MGMT: variants seen among roughly 807,000 people sequenced by gnomAD.
MGMT encodes methylated-DNA--protein-cysteine methyltransferase.
Under a neutral mutation model 15.9 loss-of-function variants are expected in MGMT, and 14 were observed. The observed-to-expected ratio is 0.88, with a 90% confidence interval of 0.58 to 1.37. The LOEUF is 1.37. Among genes scored for constraint, MGMT ranks in the 40% most tolerant of loss-of-function variants. The probability of loss-of-function intolerance (pLI) is 0.00; values close to 1 mark genes in which losing one functional copy is unlikely to be tolerated. For missense variants in MGMT, 282 were observed against 268.1 expected, an observed-to-expected ratio of 1.05 and a Z score of -0.36; for synonymous variants, 130 against 118.2, an observed-to-expected ratio of 1.10 and a Z score of -0.65.
intron 2 of MGMT, among the ~76,000 whole-genome samples, chr10:129,676,933 T>C (rs1257782261): frequency 6.6e-6 from 1 of 152,214 alleles, no homozygotes; most frequent in Non-Finnish European, 1.5e-5. Context: ...GAGTTATTAA[T>C]TGGAGTCCTC....
At chr10:129,612,838 A>G (rs1371511833) in intron 2 of MGMT, among the ~76,000 whole-genome samples, 1 of 152,216 alleles carries the variant, frequency 6.6e-6, no homozygotes, top group Admixed American at 6.5e-5. Context: ...TTCTTTAAAC[A>G]GGCTCTGCCT....
intron 3 of MGMT, among the ~76,000 whole-genome samples, chr10:129,716,970 A>G (rs1212080886): frequency 6.6e-6 from 1 of 152,086 alleles, no homozygotes; most frequent in Non-Finnish European, 1.5e-5. Flanking sequence ...GCATTGACGC[A>G]TGCATAACTC....
In MGMT at chr10:129,631,446, A is replaced by T. The variant is rs1026323565; in HGVS notation, c.126-76449A>T. On this transcript the variant is annotated intron_variant, in intron 2 of 4. Transcript: ENST00000651593. ...AGGGTTGTTTACATTAATAACAATG[A>T]TGGCTTACATGTATGTATGGTTTTA... Among the ~76,000 whole-genome samples the T allele has an allele frequency of 2.3e-4, 35 of 152,248 alleles. 1 individual carries two copies. Among genetic ancestry groups the T allele is most frequent in the Non-Finnish European group, 8.8e-5 (6 of 68,042 alleles).
intron 2 of MGMT, among the ~76,000 whole-genome samples, chr10:129,619,825 C>CT (rs1435918364): frequency 1.3e-5 from 2 of 152,264 alleles, no homozygotes; most frequent in East Asian, 1.9e-4. Context: ...TTCCACTGCC[C>CT]TTTTTTCCAT....
chr10:129,761,618 G>A (rs1256133038), intron 4 of MGMT, among the ~76,000 whole-genome samples: 1 of 152,238 alleles, frequency 6.6e-6, no homozygotes, highest in Non-Finnish European at 1.5e-5. Context: ...TCACTGAAAT[G>A]TATAAAGTAG....
At chr10:129,663,181 A>G (rs148437833) in intron 2 of MGMT, among the ~76,000 whole-genome samples, 1,534 of 152,364 alleles carry the variant, frequency 0.01, 11 homozygotes, top group Non-Finnish European at 0.017. Context: ...GTTACAATCA[A>G]CATTCTCTGA....
At chr10:129,602,171 A>G (rs1846830908) in intron 2 of MGMT, among the ~76,000 whole-genome samples, 1 of 152,210 alleles carries the variant, frequency 6.6e-6, no homozygotes, top group Non-Finnish European at 1.5e-5. Context: ...CAAGTGTGAT[A>G]CAGAATCATA....
At chr10:129,734,796 T>G (rs1193973439) in intron 3 of MGMT, among the ~76,000 whole-genome samples, 1 of 152,194 alleles carries the variant, frequency 6.6e-6, no homozygotes, top group Admixed American at 6.5e-5. Context: ...GTCAAAGGCC[T>G]TTTCTGCATC....
intron 4 of MGMT, among the ~76,000 whole-genome samples, chr10:129,763,713 T>C (rs1201676476): frequency 6.6e-6 from 1 of 152,230 alleles, no homozygotes; most frequent in Non-Finnish European, 1.5e-5. Context: ...ACGTGAATTG[T>C]GTATTATCTA....
intron 2 of MGMT, among the ~76,000 whole-genome samples, chr10:129,607,535 A>G (rs1034219670): frequency 6.6e-6 from 1 of 152,180 alleles, no homozygotes; most frequent in Non-Finnish European, 1.5e-5. Context: ...ACTGTGCCGC[A>G]CAGCATGTCA....
chr10:129,488,632 A>G (rs187630706), intron 1 of MGMT, among the ~76,000 whole-genome samples: 2 of 152,164 alleles, frequency 1.3e-5, no homozygotes, highest in Admixed American at 6.5e-5. Context: ...GTCTCGTTTC[A>G]AAGTGCTTCC....
intron 2 of MGMT, among the ~76,000 whole-genome samples, chr10:129,654,713 C>T (rs546359469): frequency 4.6e-5 from 7 of 151,988 alleles, no homozygotes; most frequent in East Asian, 2.0e-4. Context: ...GGAAGGTGGC[C>T]GGGGTCTCGG....
intron 2 of MGMT, among the ~76,000 whole-genome samples, chr10:129,666,531 A>G (rs1211555994): frequency 1.3e-5 from 2 of 152,064 alleles, no homozygotes; most frequent in Non-Finnish European, 2.9e-5. Flanking sequence ...TTGTTTTATA[A>G]ATGAGCTCTT....
chr10:129,567,217 C>T (rs538463677), intron 2 of MGMT, among the ~76,000 whole-genome samples: 65 of 152,280 alleles, frequency 4.3e-4, no homozygotes, highest in South Asian at 1.5e-3. Context: ...GCCTGTGGCC[C>T]GTCCCCTCCA....
At chr10:129,501,238 C>T (rs1169603397) in intron 1 of MGMT, among the ~76,000 whole-genome samples, 1 of 152,218 alleles carries the variant, frequency 6.6e-6, no homozygotes, top group Non-Finnish European at 1.5e-5. Flanking sequence ...CCCCCTCTTC[C>T]CTCTCTGGGC....
intron 3 of MGMT, among the ~76,000 whole-genome samples, chr10:129,713,344 G>T (rs767120018): frequency 6.6e-6 from 1 of 152,084 alleles, no homozygotes; most frequent in Non-Finnish European, 1.5e-5. Context: ...AAAAACAGCT[G>T]GTAAAAATGT....
chr10:129,561,099 A>G (rs1238906726), intron 2 of MGMT, among the ~76,000 whole-genome samples: 3 of 151,766 alleles, frequency 2.0e-5, no homozygotes, highest in African/African-American at 7.3e-5. Flanking sequence ...GTGCCCTTTC[A>G]CCCTCTACCT....
At chr10:129,515,990 A>G (rs1845734324) in intron 1 of MGMT, among the ~76,000 whole-genome samples, 2 of 152,294 alleles carry the variant, frequency 1.3e-5, no homozygotes, top group African/African-American at 2.4e-5. Context: ...ATCTAAACGC[A>G]GTCTTTGAAC....
intron 2 of MGMT, among the ~76,000 whole-genome samples, chr10:129,590,842 C>T (rs969892184): frequency 3.3e-5 from 5 of 152,194 alleles, no homozygotes; most frequent in South Asian, 2.1e-4. Context: ...AGGAATATGT[C>T]GGTGCAGTGT....
Sources: gnomAD v4.1 joint callset for allele counts (sites outside exome capture counted in the v4.1 genomes callset) on GRCh38, gnomAD v4.1.1 for gene constraint, MANE v1.5 for transcripts, NCBI Gene and HGNC (gene_info 2026-07-23, HGNC 2026-07-21) for gene names.